Variants in DMD observed in about 807,000 individuals in gnomAD.
DMD encodes mutant dystrophin.
In DMD, 63 loss-of-function variants were observed where a neutral mutation model predicts 330.1. That is an observed-to-expected ratio of 0.19 (90% CI 0.16 to 0.24). The LOEUF (loss-of-function observed/expected upper bound fraction) is 0.24, where lower values mean the gene tolerates loss of function less well. Among genes scored for constraint, DMD ranks in the 10% least tolerant of loss-of-function variants. The probability of loss-of-function intolerance (pLI) is 1.00; values close to 1 mark genes in which losing one functional copy is unlikely to be tolerated. For missense variants in DMD, 3,344 were observed against 2,684.1 expected (o/e 1.25, Z -5.43); for synonymous variants, 1,223 against 959.8 (o/e 1.27, Z -5.07).
chrX:32,047,429 A>G (rs1482940155), intron 44 of DMD, among the ~76,000 whole-genome samples: 2 of 112,122 alleles, frequency 1.8e-5, no homozygotes, highest in Admixed American at 1.9e-4. Flanking sequence ...AGTTTTAACA[A>G]TAGTGTTTGA....
chrX:32,554,595 A>G (rs1213636944), intron 16 of DMD, among the ~76,000 whole-genome samples: 3 of 109,136 alleles, frequency 2.7e-5, no homozygotes, highest in African/African-American at 9.9e-5. Flanking sequence ...GAATAGATCA[A>G]TAATGCGTTC....
intron 18 of DMD, among the ~76,000 whole-genome samples, chrX:32,515,605 A>C: frequency 8.9e-6 from 1 of 111,784 alleles, no homozygotes; most frequent in Non-Finnish European, 1.9e-5. Flanking sequence ...AAAAAATTCG[A>C]GTTGTTAGAA....
intron 32 of DMD, among the ~76,000 whole-genome samples, 172 bp from the exon 33 acceptor site, chrX:32,386,637 T>C (rs773645425): frequency 9.0e-6 from 1 of 110,842 alleles, no homozygotes; most frequent in South Asian, 3.7e-4. Context: ...TTCTGTTGAT[T>C]TAATATTTCT....
intron 1 of DMD, among the ~76,000 whole-genome samples, chrX:33,077,305 G>T (rs766898849): frequency 9.0e-6 from 1 of 111,683 alleles, no homozygotes; most frequent in African/African-American, 3.3e-5. Flanking sequence ...CCCAAAGTTA[G>T]TTCAGCCTAT....
At chrX:32,409,408 CAT>C (rs1441796906) in intron 30 of DMD, among the ~76,000 whole-genome samples, 1 of 111,350 alleles carries the variant, frequency 9.0e-6, no homozygotes, top group African/African-American at 3.3e-5. Context: ...TAGTTAATAA[CAT>C]TTTTATTGTA....
intron 62 of DMD, among the ~76,000 whole-genome samples, chrX:31,308,572 ATTAT>A (rs773280737): frequency 7.2e-5 from 8 of 111,610 alleles, no homozygotes; most frequent in Non-Finnish European, 9.4e-5. Flanking sequence ...TTTTTTAAAA[ATTAT>A]TTATTTATTT....
chrX:32,449,994 C>T (rs746544134), intron 26 of DMD, among the ~76,000 whole-genome samples: 7 of 110,695 alleles, frequency 6.3e-5, no homozygotes, highest in East Asian at 5.7e-4. Flanking sequence ...TATATGCCTG[C>T]GGGTTATCCC....
chrX:31,827,675 A>G (rs2092921919), intron 49 of DMD, among the ~76,000 whole-genome samples: 1 of 111,955 alleles, frequency 8.9e-6, no homozygotes, highest in South Asian at 3.7e-4. Context: ...AAGAGACCAC[A>G]AAGTCTTAAT....
intron 45 of DMD, among the ~76,000 whole-genome samples, chrX:31,959,394 G>T (rs898536800): frequency 5.4e-5 from 6 of 111,557 alleles, no homozygotes; most frequent in Non-Finnish European, 1.1e-4. Flanking sequence ...ACTTGATTAG[G>T]GTAAGTGGAT....
At chrX:31,252,058 A>G (rs985258675) in intron 63 of DMD, among the ~76,000 whole-genome samples, 1 of 112,599 alleles carries the variant, frequency 8.9e-6, no homozygotes, top group African/African-American at 3.2e-5. Context: ...TTATTTGAAC[A>G]AGAAAAAATA....
intron 4 of DMD, among the ~76,000 whole-genome samples, chrX:32,840,085 T>C (rs893148887): frequency 1.1e-4 from 12 of 112,243 alleles, no homozygotes; most frequent in Non-Finnish European, 2.3e-4. Flanking sequence ...CCAAGTTTGG[T>C]TTCTGCATGA....
chrX:33,114,113 T>TTA (rs1491212858), intron 1 of DMD, among the ~76,000 whole-genome samples: 1 of 87,870 alleles, frequency 1.1e-5, no homozygotes, highest in African/African-American at 4.9e-5. Flanking sequence ...ATTATTATTA[T>TTA]TTTTTTTTTT....
chrX:32,926,364 A>C (rs1344459925), intron 2 of DMD, among the ~76,000 whole-genome samples: 1 of 112,168 alleles, frequency 8.9e-6, no homozygotes, highest in Admixed American at 9.5e-5. Flanking sequence ...AGGAGAAATA[A>C]GTTCGAGAGA....
intron 64 of DMD, among the ~76,000 whole-genome samples, chrX:31,222,006 CACG>C (rs1435909396): frequency 2.7e-5 from 3 of 110,849 alleles, no homozygotes; most frequent in Non-Finnish European, 5.7e-5. Flanking sequence ...TCCTGGCTAA[CACG>C]GTGAAACCCC....
chrX:31,988,427 TCA>T (rs2095525349), intron 44 of DMD, among the ~76,000 whole-genome samples: 1 of 81,171 alleles, frequency 1.2e-5, no homozygotes, highest in African/African-American at 5.2e-5. Context: ...TGAGCCGAGA[TCA>T]TGCCACTGCA....
intron 17 of DMD, among the ~76,000 whole-genome samples, chrX:32,525,010 TA>T (rs2046812781): frequency 8.9e-6 from 1 of 112,011 alleles, no homozygotes; most frequent in Non-Finnish European, 1.9e-5. Flanking sequence ...CAAAGAAACA[TA>T]TTAATGAGTT....
chrX:33,169,571 T>C (rs1569557182), intron 1 of DMD, among the ~76,000 whole-genome samples: 1 of 112,016 alleles, frequency 8.9e-6, no homozygotes, highest in African/African-American at 3.2e-5. Context: ...AATTTTGAAT[T>C]AATGTTCTCT....
At chrX:32,749,644 G>A (rs1166798578) in intron 7 of DMD, among the ~76,000 whole-genome samples, 2 of 112,491 alleles carry the variant, frequency 1.8e-5, no homozygotes, top group East Asian at 2.8e-4. Context: ...TTCTTAACAC[G>A]TTTGGACATT....
At chrX:32,690,509 G>C (rs911833405) in intron 9 of DMD, among the ~76,000 whole-genome samples, 1 of 111,311 alleles carries the variant, frequency 9.0e-6, no homozygotes, top group Non-Finnish European at 1.9e-5. Context: ...AATTCATATG[G>C]AACCACAAAG....
Sources: gnomAD v4.1 joint callset for allele counts (sites outside exome capture counted in the v4.1 genomes callset) on GRCh38, gnomAD v4.1.1 for gene constraint, MANE v1.5 for transcripts, NCBI Gene and HGNC (gene_info 2026-07-23, HGNC 2026-07-21) for gene names.